CNOT6: variants seen among roughly 807,000 people sequenced by gnomAD.
CNOT6 encodes the protein carbon catabolite repression 4 protein.
A neutral mutation model predicts 61.2 loss-of-function variants in CNOT6; 12 were observed. The observed-to-expected ratio is 0.20, with a 90% CI of 0.13 to 0.32. CNOT6 has a LOEUF of 0.32. Among genes scored for constraint, CNOT6 ranks in the 10% least tolerant of loss-of-function variants. CNOT6 has a pLI of 1.00. For synonymous variants in CNOT6, 225 were observed against 240.6 expected (o/e 0.94, Z 0.60); for missense variants, 405 against 663.9 (o/e 0.61, Z 4.28).
intron 1 of CNOT6, among the ~76,000 whole-genome samples, chr5:180,523,634 G>A (rs1757968365): frequency 6.6e-6 from 1 of 152,048 alleles, no homozygotes; most frequent in Admixed American, 6.6e-5. Context: ...CTTCATTCCA[G>A]TTGGTTTTCT....
intron 1 of CNOT6, among the ~76,000 whole-genome samples, chr5:180,498,211 C>T (rs1440805626): frequency 5.3e-5 from 8 of 152,306 alleles, no homozygotes; most frequent in South Asian, 4.1e-4. Context: ...GTCTCCACTT[C>T]GCTCTTCTCT....
chr5:180,564,774 T>C (rs1276245239), intron 6 of CNOT6, 31 bp downstream of exon 6: 1 of 1,512,954 alleles, frequency 6.6e-7, no homozygotes, highest in Non-Finnish European at 9.2e-7. Context: ...TAACTGTTAT[T>C]TTTGCTCAGT....
In CNOT6 at chr5:180,562,810, G is replaced by A. The variant is rs557134006; in HGVS notation, c.386-1679G>A. On this transcript the variant is annotated intron_variant, in intron 4 of 11. Transcript: ENST00000261951. The stretch of plus-strand genomic sequence containing the variant: ...TAGAATGAGCTGTTTACCTGATACC[G>A]AGAAGTTTTCAGTTGACTTCATTTT... Among the ~76,000 whole-genome samples the A allele has an allele frequency of 4.6e-5, 7 of 152,170 alleles. 1 individual carries two copies. Among genetic ancestry groups the A allele is most frequent in the Admixed American group, 1.3e-4 (2 of 15,272 alleles).
intron 2 of CNOT6, among the ~76,000 whole-genome samples, chr5:180,544,062 C>T (rs1472921003): frequency 2.0e-5 from 3 of 152,176 alleles, no homozygotes; most frequent in Non-Finnish European, 2.9e-5. Context: ...CCACCCGCCT[C>T]GACCTCCCAA....
At chr5:180,547,925 G>T (rs1395650097) in intron 2 of CNOT6, among the ~76,000 whole-genome samples, 2 of 152,058 alleles carry the variant, frequency 1.3e-5, no homozygotes, top group Non-Finnish European at 2.9e-5. Context: ...GCAGAGATGG[G>T]GTTTCACCGT....
chr5:180,569,076 GTC>G (rs1175938424), intron 9 of CNOT6, 32 bp from the exon 10 acceptor site: 13 of 1,533,976 alleles, frequency 8.5e-6, no homozygotes, highest in Non-Finnish European at 1.1e-5. Context: ...GGCGGGTTTT[GTC>G]TCTTTCTTTG....
chr5:180,496,436 C>T (rs901826073), intron 1 of CNOT6, among the ~76,000 whole-genome samples: 2 of 152,018 alleles, frequency 1.3e-5, no homozygotes, highest in Middle Eastern at 3.2e-3. Flanking sequence ...GCGACCTAAT[C>T]GCTAGAGGTT....
At chr5:180,501,228 G>A (rs923631565) in intron 1 of CNOT6, among the ~76,000 whole-genome samples, 4 of 152,178 alleles carry the variant, frequency 2.6e-5, no homozygotes, top group African/African-American at 7.2e-5. Flanking sequence ...TTTACGTCCT[G>A]TGAGAGCTCA....
At chr5:180,524,789 A>G (rs17080387) in intron 1 of CNOT6, among the ~76,000 whole-genome samples, 2,233 of 152,310 alleles carry the variant, frequency 0.015, 48 homozygotes, top group African/African-American at 0.051. Context: ...TTAATAGGAC[A>G]AAAATACTAA....
At chr5:180,503,106 C>G (rs11739096) in intron 1 of CNOT6, among the ~76,000 whole-genome samples, 25,728 of 152,010 alleles carry the variant, frequency 0.17, 2,279 homozygotes, top group Non-Finnish European at 0.19. Context: ...GCAGTGGGCT[C>G]TGCTGCTTTA....
chr5:180,496,258 T>C (rs1756608943), intron 1 of CNOT6, among the ~76,000 whole-genome samples: 1 of 152,164 alleles, frequency 6.6e-6, no homozygotes, highest in Admixed American at 6.6e-5. Flanking sequence ...TAAAAATTGC[T>C]TAATATCTTT....
chr5:180,532,766 G>A (rs951167140), intron 2 of CNOT6, among the ~76,000 whole-genome samples: 3 of 152,164 alleles, frequency 2.0e-5, no homozygotes, highest in African/African-American at 7.2e-5. Context: ...TCAGGTTGGG[G>A]TTCCCACGAC....
intron 7 of CNOT6, 123 bp from the exon 8 acceptor site, chr5:180,566,965 T>C: frequency 1.0e-6 from 1 of 959,540 alleles, no homozygotes; most frequent in Non-Finnish European, 1.5e-6. Flanking sequence ...GGAAAGATGT[T>C]ACATTCTTTA....
chr5:180,500,784 G>A (rs1328935954), intron 1 of CNOT6, among the ~76,000 whole-genome samples: 1 of 152,134 alleles, frequency 6.6e-6, no homozygotes. Flanking sequence ...TGTGGAGAAG[G>A]ACAAATGAAC....
intron 1 of CNOT6, among the ~76,000 whole-genome samples, chr5:180,499,829 G>T (rs1466705110): frequency 6.6e-6 from 1 of 152,186 alleles, no homozygotes; most frequent in Non-Finnish European, 1.5e-5. Flanking sequence ...AGTGGTAGAA[G>T]AATTACTTAT....
intron 8 of CNOT6, among the ~76,000 whole-genome samples, chr5:180,567,614 C>G (rs1013224288): frequency 6.6e-6 from 1 of 152,122 alleles, no homozygotes; most frequent in African/African-American, 2.4e-5. Flanking sequence ...CAGAAGATGA[C>G]TACATTTTCT....
Position 180,568,011 on chromosome 5 carries a change from C to T in CNOT6, c.1027+8C>T. The T allele has an allele frequency of 6.3e-7, 1 of 1,592,676 alleles. No homozygotes were observed. Among genetic ancestry groups the T allele is most frequent in the Non-Finnish European group, 8.6e-7 (1 of 1,167,106 alleles). ...AATCGATTGAAATGCCGTGTGAGTG[C>T]CCTTCACTTCCTGTAAAATTGACCA... On this transcript the variant is annotated splice_region_variant and intron_variant, in intron 9 of 11. Coordinates refer to ENST00000261951, the MANE Select transcript of CNOT6 (RefSeq NM_001370472.1).
At chr5:180,520,095 A>G (rs932516357) in intron 1 of CNOT6, among the ~76,000 whole-genome samples, 1 of 152,052 alleles carries the variant, frequency 6.6e-6, no homozygotes, top group Admixed American at 6.6e-5. Context: ...CTGCCTGCCA[A>G]CGTGCTGGGA....
rs775755463 is a variant in CNOT6, at chr5:180,574,221, G to A, written c.*21G>A. The A allele has an allele frequency of 1.9e-6, 3 of 1,588,304 alleles. No homozygotes were observed. The highest frequency in any genetic ancestry group is 1.7e-4 in the Middle Eastern group (1 of 6,018). On this transcript the variant is annotated 3_prime_UTR_variant, in exon 12 of 12. Coordinates refer to ENST00000261951, the MANE Select transcript of CNOT6 (RefSeq NM_001370472.1). ...GGTAGTCAAGCACCTTCAGAGGACAGCCTTGATTCACTTGTAAACTTGTGA... is the reference window on the plus strand; with the variant it reads ...GGTAGTCAAGCACCTTCAGAGGACAACCTTGATTCACTTGTAAACTTGTGA...
Sources: gnomAD v4.1 joint callset for allele counts (sites outside exome capture counted in the v4.1 genomes callset) on GRCh38, gnomAD v4.1.1 for gene constraint, MANE v1.5 for transcripts, NCBI Gene and HGNC (gene_info 2026-07-23, HGNC 2026-07-21) for gene names.